The following PLEKHA7 variants were observed in gnomAD, a reference collection of about 807,000 sequenced individuals.
The protein encoded by PLEKHA7 is pleckstrin homology domain-containing family A member 7.
PLEKHA7 carries 104 observed loss-of-function variants against 170.0 expected under a neutral mutation model. The ratio of observed to expected loss-of-function variants is 0.61; its 90% CI spans 0.52 to 0.72. PLEKHA7 has a LOEUF of 0.72. Among genes scored for constraint, PLEKHA7 ranks in the 30% least tolerant of loss-of-function variants. PLEKHA7 has a pLI of 0.00. For missense variants in PLEKHA7, 1,615 were observed against 1,671.7 expected (o/e 0.97, Z 0.59); for synonymous variants, 648 against 660.8 (o/e 0.98, Z 0.30).
intron 4 of PLEKHA7, among the ~76,000 whole-genome samples, chr11:16,867,456 A>G (rs1158277465): frequency 6.6e-6 from 1 of 152,206 alleles, no homozygotes. Context: ...TTCTCTTTGG[A>G]GAAGAAAAAG....
intron 3 of PLEKHA7, among the ~76,000 whole-genome samples, chr11:16,964,709 A>G (rs977260480): frequency 5.3e-5 from 8 of 152,308 alleles, no homozygotes; most frequent in African/African-American, 1.4e-4. Flanking sequence ...CTGAAATTGG[A>G]GGTCCAGCCA....
chr11:16,862,020 A>G (rs1248884500), intron 4 of PLEKHA7, among the ~76,000 whole-genome samples: 1 of 152,176 alleles, frequency 6.6e-6, no homozygotes, highest in African/African-American at 2.4e-5. Flanking sequence ...TCTCAGAGAA[A>G]GAGACACACA....
At chr11:16,801,936 G>T in intron 15 of PLEKHA7, 119 bp from the exon 16 acceptor site, 1 of 1,268,440 alleles carries the variant, frequency 7.9e-7, no homozygotes, top group Non-Finnish European at 1.1e-6. Context: ...TCAGCGCTGA[G>T]ATGTGGGCCC....
intron 3 of PLEKHA7, among the ~76,000 whole-genome samples, chr11:16,876,552 C>T (rs1249304539): frequency 5.9e-5 from 9 of 152,180 alleles, no homozygotes; most frequent in Non-Finnish European, 1.3e-4. Context: ...TGTGGGTAAC[C>T]ATCCACATAA....
intron 3 of PLEKHA7, among the ~76,000 whole-genome samples, chr11:16,973,703 C>A (rs78671627): frequency 0.011 from 1,631 of 152,260 alleles, 12 homozygotes; most frequent in Non-Finnish European, 0.018. Context: ...CTATGATGGG[C>A]CCTATGCCTT....
rs568718448 is a variant in PLEKHA7, at chr11:17,002,989, C to CTTTTTT, written c.221+10994_221+10999dup. Among the ~76,000 whole-genome samples, 47 of 112,980 alleles carry CTTTTTT rather than the reference C, an allele frequency of 4.2e-4. 1 individual carries two copies. Among genetic ancestry groups the CTTTTTT allele is most frequent in the Admixed American group, 5.8e-4 (6 of 10,274 alleles). The allele number at this position is 112,980 out of a possible 152,430, so 74.1% of individuals were successfully genotyped here. A position where few individuals can be genotyped will look rare whatever the true frequency, so the allele number is the denominator to read the frequency against. ...CCTTTAAGTACCAGAATAGTTGTGC[C>CTTTTTT]TTTTTTTTTTTTTTTTTTTTGTGAT... On this transcript the variant is annotated intron_variant, in intron 3 of 26. Coordinates refer to ENST00000531066, the MANE Select transcript of PLEKHA7 (RefSeq NM_001329630.2).
intron 9 of PLEKHA7, among the ~76,000 whole-genome samples, chr11:16,828,537 C>T (rs910651615): frequency 6.6e-6 from 1 of 152,208 alleles, no homozygotes; most frequent in African/African-American, 2.4e-5. Flanking sequence ...AGCAAGCATT[C>T]TTCTCGCTGT....
In PLEKHA7 at chr11:17,010,868, C is replaced by T. The variant is rs893945844; in HGVS notation, c.221+3121G>A. ...AGTAAAACATTTTTCATGTGGGGGG[C>T]GGGGGATGAGGGAGAGAACAATTAC... On this transcript the variant is annotated intron_variant, in intron 3 of 26. Transcript: ENST00000531066. Among the ~76,000 whole-genome samples the T allele has an allele frequency of 4.6e-5, 7 of 151,584 alleles. No homozygotes were observed. The East Asian group carries it at 7.7e-4, about 17-fold the overall frequency.
At chr11:16,849,292 A>T (rs1054084574) in intron 8 of PLEKHA7, among the ~76,000 whole-genome samples, 4 of 152,234 alleles carry the variant, frequency 2.6e-5, no homozygotes, top group African/African-American at 9.6e-5. Context: ...TAAAAATTAT[A>T]TATATAGTTA....
Position 16,975,122 on chromosome 11 carries a change from C to T in PLEKHA7, c.221+38867G>A, listed in dbSNP as rs1186399999. On this transcript the variant is annotated intron_variant, in intron 3 of 26. Coordinates refer to ENST00000531066, the MANE Select transcript of PLEKHA7 (RefSeq NM_001329630.2). ...CACATGCATACATTCATGTGTGCCC[C>T]ACCACAATCAGGACACAGGACAGTT... 1.1e-5 allele frequency: 5 copies of T among 466,812 alleles called. 2 individuals carry two copies. Among genetic ancestry groups the T allele is most frequent in the Non-Finnish European group, 1.6e-5 (5 of 306,944 alleles). The allele number at this position is 466,812 out of a possible 1,614,324, so 28.9% of individuals were successfully genotyped here.
At chr11:16,805,995 C>T (rs1848958034) in intron 13 of PLEKHA7, among the ~76,000 whole-genome samples, 1 of 152,158 alleles carries the variant, frequency 6.6e-6, no homozygotes, top group Admixed American at 6.5e-5. Flanking sequence ...CATTAGAGTA[C>T]AATGTTCCGT....
intron 3 of PLEKHA7, among the ~76,000 whole-genome samples, chr11:16,973,262 A>G (rs7116082): frequency 0.73 from 110,859 of 152,218 alleles, 40,652 homozygotes; most frequent in East Asian, 0.87. Context: ...GCAAGAACAC[A>G]GGCCACTAGA....
chr11:16,927,050 G>A (rs1039010140), intron 3 of PLEKHA7, among the ~76,000 whole-genome samples: 4 of 151,382 alleles, frequency 2.6e-5, no homozygotes, highest in African/African-American at 7.3e-5. Context: ...GCGCTAGCCC[G>A]CAGCCATAGC....
chr11:16,967,379 T>C (rs1043349862), intron 3 of PLEKHA7, among the ~76,000 whole-genome samples: 4 of 152,222 alleles, frequency 2.6e-5, no homozygotes, highest in African/African-American at 9.6e-5. Context: ...TTTCCCCAAG[T>C]TGGCTTCTGT....
intron 13 of PLEKHA7, among the ~76,000 whole-genome samples, chr11:16,810,038 C>A (rs1849257072): frequency 6.6e-6 from 1 of 152,234 alleles, no homozygotes; most frequent in African/African-American, 2.4e-5. Flanking sequence ...ACCTTCCCTG[C>A]CCGTGTGGAG....
chr11:16,814,781 C>A (rs549479819), intron 12 of PLEKHA7, among the ~76,000 whole-genome samples: 1 of 152,330 alleles, frequency 6.6e-6, no homozygotes, highest in South Asian at 2.1e-4. Context: ...GGCAGCAGGG[C>A]ACCATCCAGA....
intron 3 of PLEKHA7, among the ~76,000 whole-genome samples, chr11:17,012,470 T>G (rs1865376311): frequency 6.6e-6 from 1 of 152,228 alleles, no homozygotes; most frequent in African/African-American, 2.4e-5. Context: ...CAAATTTTAC[T>G]TTAAATGTTG....
At chr11:16,958,853 A>G (rs1461743079) in intron 3 of PLEKHA7, among the ~76,000 whole-genome samples, 4 of 152,282 alleles carry the variant, frequency 2.6e-5, no homozygotes, top group African/African-American at 9.6e-5. Context: ...ACTGAAAAGA[A>G]GAAGAAAGAT....
At chr11:16,901,426 G>T (rs1488237310) in intron 3 of PLEKHA7, among the ~76,000 whole-genome samples, 2 of 152,036 alleles carry the variant, frequency 1.3e-5, no homozygotes, top group East Asian at 3.9e-4. Flanking sequence ...ACTGCATGGG[G>T]GTTTATCCTT....
Sources: gnomAD v4.1 joint callset for allele counts (sites outside exome capture counted in the v4.1 genomes callset) on GRCh38, gnomAD v4.1.1 for gene constraint, MANE v1.5 for transcripts, NCBI Gene and HGNC (gene_info 2026-07-23, HGNC 2026-07-21) for gene names.